Variants in SLC14A2 observed in about 807,000 individuals in gnomAD.
The protein encoded by SLC14A2 is solute carrier family 14 member 2.
Under a neutral mutation model 104.6 loss-of-function variants are expected in SLC14A2, and 91 were observed. The ratio of observed to expected loss-of-function variants is 0.87; its 90% CI spans 0.73 to 1.04. The LOEUF (loss-of-function observed/expected upper bound fraction) is 1.04. Among genes scored for constraint, SLC14A2 ranks in the 50% least tolerant of loss-of-function variants. The pLI, the probability that SLC14A2 is intolerant of heterozygous loss-of-function variation, is 0.00. For synonymous variants in SLC14A2, 476 were observed against 466.4 expected (o/e 1.02, Z -0.27); for missense variants, 1,189 against 1,156.0 (o/e 1.03, Z -0.41).
intron 5 of SLC14A2, among the ~76,000 whole-genome samples, chr18:45,636,428 G>A (rs2045417204): frequency 6.6e-6 from 1 of 152,158 alleles, no homozygotes; most frequent in African/African-American, 2.4e-5. Context: ...TCCTTCCAAG[G>A]AAAAGATGAA....
chr18:45,212,723 A>C (rs1486800336), upstream of SLC14A2, among the ~76,000 whole-genome samples: 1 of 152,196 alleles, frequency 6.6e-6, no homozygotes, highest in Non-Finnish European at 1.5e-5. Context: ...AAGAACACAC[A>C]CGTATGCCAC....
chr18:45,203,415 T>G, the SLC14A2 span, among the ~76,000 whole-genome samples: 1 of 152,228 alleles, frequency 6.6e-6, no homozygotes, highest in African/African-American at 2.4e-5. Context: ...TTCTTTAATG[T>G]TGTTTCTTCT....
intron 1 of SLC14A2, among the ~76,000 whole-genome samples, chr18:45,387,792 CT>C (rs1454940965): frequency 6.6e-6 from 1 of 152,112 alleles, no homozygotes; most frequent in Non-Finnish European, 1.5e-5. Context: ...CTTCAGGAAA[CT>C]GATTCACACA....
intron 2 of SLC14A2, among the ~76,000 whole-genome samples, chr18:45,593,563 CA>C (rs1392295567): frequency 4.4e-5 from 6 of 136,166 alleles, no homozygotes; most frequent in African/African-American, 1.4e-4. Flanking sequence ...GATCTCGGCT[CA>C]CTGCAAGCTC....
chr18:45,350,577 T>C (rs369869260), intron 1 of SLC14A2, among the ~76,000 whole-genome samples: 24 of 152,298 alleles, frequency 1.6e-4, no homozygotes, highest in Non-Finnish European at 2.5e-4. Context: ...GACTAGTTTA[T>C]GTGACGGGTC....
chr18:45,514,888 A>C (rs933314141), intron 2 of SLC14A2, among the ~76,000 whole-genome samples: 1 of 152,238 alleles, frequency 6.6e-6, no homozygotes, highest in Non-Finnish European at 1.5e-5. Context: ...AATATTAATA[A>C]ATTGATTTAT....
intron 10 of SLC14A2, among the ~76,000 whole-genome samples, chr18:45,657,524 A>G (rs2045859949): frequency 1.9e-5 from 1 of 52,802 alleles, no homozygotes; most frequent in Non-Finnish European, 5.0e-5. Flanking sequence ...AAAGAAAAGG[A>G]AGGAAGGAAG....
chr18:45,273,877 G>T (rs2084675878), intron 1 of SLC14A2, among the ~76,000 whole-genome samples: 1 of 152,148 alleles, frequency 6.6e-6, no homozygotes, highest in Admixed American at 6.6e-5. Context: ...GAACAGTATT[G>T]AAGGGTGAAG....
chr18:45,455,189 T>G (rs1231043206), intron 1 of SLC14A2, among the ~76,000 whole-genome samples: 1 of 152,170 alleles, frequency 6.6e-6, no homozygotes, highest in East Asian at 1.9e-4. Context: ...TAAAGACACA[T>G]GTACACACAT....
intron 1 of SLC14A2, among the ~76,000 whole-genome samples, chr18:45,282,720 C>A (rs1190609874): frequency 6.6e-6 from 1 of 152,096 alleles, no homozygotes; most frequent in Non-Finnish European, 1.5e-5. Context: ...CAGGGCATAT[C>A]TTTGGTTATT....
At position 45,459,284 on chromosome 18, in the gene SLC14A2, C is replaced by T. The variant is rs150859338; in HGVS notation, c.-124-23949C>T. On this transcript the variant is annotated intron_variant, in intron 1 of 20. Coordinates refer to the SLC14A2 transcript ENST00000586448. ...TGTCAGCCCCAAAGCAAGAGTGCCCCGGCAACTGGGACATTTGCTGAGCTC... is the reference window on the plus strand; with the variant it reads ...TGTCAGCCCCAAAGCAAGAGTGCCCTGGCAACTGGGACATTTGCTGAGCTC... 3.9e-5 allele frequency among the ~76,000 whole-genome samples: 6 copies of T among 152,276 alleles called. No homozygotes were observed. In the East Asian group the frequency reaches 5.8e-4, roughly 15 times the overall value.
intron 1 of SLC14A2, among the ~76,000 whole-genome samples, chr18:45,444,101 G>T (rs2144590285): frequency 6.6e-6 from 1 of 152,302 alleles, no homozygotes; most frequent in South Asian, 2.1e-4. Flanking sequence ...AGAAAGTTTG[G>T]ATCCTCTGTG....
intron 2 of SLC14A2, among the ~76,000 whole-genome samples, chr18:45,567,294 A>G (rs949623399): frequency 6.6e-6 from 1 of 152,088 alleles, no homozygotes; most frequent in Admixed American, 6.6e-5. Context: ...CACCCTTCCT[A>G]AGCTGAGATA....
intron 2 of SLC14A2, 92 bp downstream of exon 2, chr18:45,624,906 C>A: frequency 7.6e-7 from 1 of 1,316,274 alleles, no homozygotes; most frequent in Non-Finnish European, 1.1e-6. Context: ...TCCCAGTGAA[C>A]TTAGCACACT....
chr18:45,407,745 G>A (rs2086172067), intron 1 of SLC14A2, among the ~76,000 whole-genome samples: 1 of 152,278 alleles, frequency 6.6e-6, no homozygotes, highest in Non-Finnish European at 1.5e-5. Flanking sequence ...AGGGATTAAG[G>A]AGGCCAAGGA....
intron 1 of SLC14A2, among the ~76,000 whole-genome samples, chr18:45,427,694 A>G (rs886423604): frequency 6.6e-6 from 1 of 152,194 alleles, no homozygotes; most frequent in Non-Finnish European, 1.5e-5. Flanking sequence ...AGTTTCTCCC[A>G]GGGCTCTTGT....
chr18:45,354,279 G>A (rs1003083647), intron 1 of SLC14A2, among the ~76,000 whole-genome samples: 10 of 152,300 alleles, frequency 6.6e-5, no homozygotes, highest in Middle Eastern at 3.4e-3. Context: ...AGCCTCAAGG[G>A]TCCCTAGTGA....
At chr18:45,334,939 CCTG>C (rs2085324706) in intron 1 of SLC14A2, among the ~76,000 whole-genome samples, 1 of 152,198 alleles carries the variant, frequency 6.6e-6, no homozygotes, top group African/African-American at 2.4e-5. Context: ...ATGTTCACCT[CCTG>C]ACTTGGTACT....
chr18:45,519,499 G>A (rs991823075), intron 2 of SLC14A2, among the ~76,000 whole-genome samples: 5 of 152,150 alleles, frequency 3.3e-5, no homozygotes, highest in Non-Finnish European at 5.9e-5. Context: ...ATGCCCATGC[G>A]TGAGCATGAG....
Sources: gnomAD v4.1 joint callset for allele counts (sites outside exome capture counted in the v4.1 genomes callset) on GRCh38, gnomAD v4.1.1 for gene constraint, MANE v1.5 for transcripts, NCBI Gene and HGNC (gene_info 2026-07-23, HGNC 2026-07-21) for gene names.